The following SLC4A10 variants were observed in gnomAD, a reference collection of about 807,000 sequenced individuals.
SLC4A10 encodes solute carrier family 4 member 10.
Under a neutral mutation model 137.7 loss-of-function variants are expected in SLC4A10, and 42 were observed. That is an observed-to-expected ratio of 0.30 (90% CI 0.24 to 0.39). The LOEUF (loss-of-function observed/expected upper bound fraction) is 0.39. SLC4A10 is among the 10% of genes least tolerant of loss of function. SLC4A10 has a pLI of 1.00. For synonymous variants in SLC4A10, 474 were observed against 464.1 expected (o/e 1.02, Z -0.27); for missense variants, 925 against 1,355.0 (o/e 0.68, Z 4.98).
intron 1 of SLC4A10, among the ~76,000 whole-genome samples, chr2:161,647,652 G>T (rs2036239683): frequency 6.6e-6 from 1 of 152,128 alleles, no homozygotes; most frequent in Non-Finnish European, 1.5e-5. Context: ...AGAAAAAAGG[G>T]AAAACTAGGT....
intron 1 of SLC4A10, among the ~76,000 whole-genome samples, chr2:161,747,528 G>A (rs995513459): frequency 6.6e-6 from 1 of 152,108 alleles, no homozygotes; most frequent in Non-Finnish European, 1.5e-5. Flanking sequence ...TTACTCGCCT[G>A]ATTTTTGGTT....
intron 10 of SLC4A10, among the ~76,000 whole-genome samples, chr2:161,884,324 A>G (rs2062049980): frequency 6.6e-6 from 1 of 152,146 alleles, no homozygotes; most frequent in Non-Finnish European, 1.5e-5. Context: ...GGATCCTACT[A>G]TGTCATGGGA....
chr2:161,636,721 G>A (rs2034452600), intron 1 of SLC4A10, among the ~76,000 whole-genome samples: 1 of 151,332 alleles, frequency 6.6e-6, no homozygotes. Context: ...ACAAGGTCTT[G>A]CTCTGTCACC....
At chr2:161,699,800 T>C (rs141016953) in intron 1 of SLC4A10, among the ~76,000 whole-genome samples, 92 of 152,264 alleles carry the variant, frequency 6.0e-4, no homozygotes, top group South Asian at 1.0e-3. Flanking sequence ...ACTATGGAGA[T>C]GAAGGAGAGA....
chr2:161,723,680 T>C (rs1313294019), intron 1 of SLC4A10, among the ~76,000 whole-genome samples: 1 of 152,252 alleles, frequency 6.6e-6, no homozygotes, highest in Non-Finnish European at 1.5e-5. Flanking sequence ...ATAGTGACTA[T>C]GCATCAGAAT....
chr2:161,699,185 A>T (rs750145586), intron 1 of SLC4A10, among the ~76,000 whole-genome samples: 1 of 151,852 alleles, frequency 6.6e-6, no homozygotes, highest in Admixed American at 6.6e-5. Context: ...TGCCTGGCTA[A>T]TTTTTTGTAT....
chr2:161,760,180 T>G (rs1343240244), intron 1 of SLC4A10, among the ~76,000 whole-genome samples: 1 of 152,032 alleles, frequency 6.6e-6, no homozygotes, highest in Non-Finnish European at 1.5e-5. Flanking sequence ...ATTCTTACCT[T>G]ATGCAATTTC....
intron 24 of SLC4A10, among the ~76,000 whole-genome samples, chr2:161,975,014 G>T (rs1022432548): frequency 2.0e-5 from 3 of 151,890 alleles, no homozygotes; most frequent in Admixed American, 1.3e-4. Context: ...ATAATTTAAG[G>T]TTATGCCAAT....
intron 2 of SLC4A10, among the ~76,000 whole-genome samples, chr2:161,791,409 A>G (rs561157759): frequency 6.6e-6 from 1 of 152,280 alleles, no homozygotes; most frequent in South Asian, 2.1e-4. Flanking sequence ...AAGTGGGAGT[A>G]GAATGATGAG....
intron 1 of SLC4A10, among the ~76,000 whole-genome samples, chr2:161,703,648 A>T (rs2125020060): frequency 6.6e-6 from 1 of 151,780 alleles, no homozygotes; most frequent in East Asian, 1.9e-4. Flanking sequence ...CTATTGTGTG[A>T]TCTCCTATAC....
chr2:161,733,481 T>A (rs542923256), intron 1 of SLC4A10, among the ~76,000 whole-genome samples: 135 of 152,210 alleles, frequency 8.9e-4, no homozygotes, highest in Non-Finnish European at 1.8e-3. Flanking sequence ...TTTCAGAGGA[T>A]GCATGGAAAT....
At chr2:161,912,933 T>TTG (rs1686202116) in intron 15 of SLC4A10, among the ~76,000 whole-genome samples, 2 of 152,072 alleles carry the variant, frequency 1.3e-5, no homozygotes. Flanking sequence ...CAGCTATTTT[T>TTG]GTGCCTGATG....
intron 1 of SLC4A10, among the ~76,000 whole-genome samples, chr2:161,663,818 T>C (rs2038729942): frequency 6.6e-6 from 1 of 152,072 alleles, no homozygotes; most frequent in African/African-American, 2.4e-5. Context: ...TCTTGTCAAA[T>C]TGTTGTTATA....
chr2:161,858,826 C>T (rs2060243687), intron 5 of SLC4A10, among the ~76,000 whole-genome samples: 1 of 152,180 alleles, frequency 6.6e-6, no homozygotes, highest in Non-Finnish European at 1.5e-5. Flanking sequence ...CTCATTTAAA[C>T]AACCTTTGTT....
intron 11 of SLC4A10, among the ~76,000 whole-genome samples, chr2:161,900,566 G>A (rs1375909364): frequency 1.3e-5 from 2 of 151,948 alleles, no homozygotes; most frequent in East Asian, 3.9e-4. Flanking sequence ...CTAACAGAAT[G>A]CTTTTTCTTG....
Position 161,624,431 on chromosome 2 carries a change from G to T in SLC4A10, c.-88G>T. Reference sequence around the variant, plus strand: ...CTCCTGCTTCAGAGCTACCTGATCCGAATACTAAGCAGAGCGAGTGCCGGG... The same window carrying T: ...CTCCTGCTTCAGAGCTACCTGATCCTAATACTAAGCAGAGCGAGTGCCGGG... On this transcript the variant is annotated 5_prime_UTR_variant, in exon 1 of 27. Transcript: ENST00000446997. 6.5e-7 allele frequency: 1 copy of T among 1,545,026 alleles called. No homozygotes were observed. The highest frequency in any genetic ancestry group is 1.2e-5 in the South Asian group (1 of 83,546).
chr2:161,746,864 C>G (rs1410360070), intron 1 of SLC4A10, among the ~76,000 whole-genome samples: 3 of 152,088 alleles, frequency 2.0e-5, no homozygotes, highest in African/African-American at 7.2e-5. Flanking sequence ...CCGAGTCACT[C>G]TAGAAATGTT....
At chr2:161,774,754 G>T (rs942509749) in intron 2 of SLC4A10, among the ~76,000 whole-genome samples, 7 of 151,830 alleles carry the variant, frequency 4.6e-5, no homozygotes. Context: ...TACTGCAATT[G>T]CACCATAATT....
chr2:161,669,022 A>T (rs2039402044), intron 1 of SLC4A10, among the ~76,000 whole-genome samples: 3 of 151,996 alleles, frequency 2.0e-5, no homozygotes, highest in Middle Eastern at 6.8e-3. Context: ...TTTTAAATGA[A>T]TTATTTTATA....
Sources: gnomAD v4.1 joint callset for allele counts (sites outside exome capture counted in the v4.1 genomes callset) on GRCh38, gnomAD v4.1.1 for gene constraint, MANE v1.5 for transcripts, NCBI Gene and HGNC (gene_info 2026-07-23, HGNC 2026-07-21) for gene names.